FYN: variants seen among roughly 807,000 people sequenced by gnomAD.
The protein encoded by FYN is tyrosine-protein kinase Fyn.
FYN carries 10 observed loss-of-function variants against 70.2 expected under a neutral mutation model. The ratio of observed to expected loss-of-function variants is 0.14; its 90% CI spans 0.09 to 0.24. FYN has a LOEUF of 0.24. FYN is among the 10% of genes least tolerant of loss of function. The pLI is 1.00. For synonymous variants in FYN, 236 were observed against 248.6 expected, an observed-to-expected ratio of 0.95 and a Z score of 0.48; for missense variants, 319 against 673.1, an observed-to-expected ratio of 0.47 and a Z score of 5.82.
rs1403301913 is a variant in FYN, at chr6:111,706,102, T to C, written c.443+1820A>G. On this transcript the variant is annotated intron_variant, in intron 6 of 13. Transcript: ENST00000354650. The stretch of plus-strand genomic sequence containing the variant: ...AAACTAATGATACTCTGTGCCACTT[T>C]AGGAGGCATCACATTAAGTCACCTC... Among the ~76,000 whole-genome samples, 6 of 152,226 alleles carry C rather than the reference T, an allele frequency of 3.9e-5. No homozygotes were observed. The South Asian group carries it at 1.0e-3, about 26-fold the overall frequency.
At chr6:111,769,383 AG>A (rs1803351714) in intron 3 of FYN, among the ~76,000 whole-genome samples, 2 of 152,198 alleles carry the variant, frequency 1.3e-5, no homozygotes, top group Non-Finnish European at 2.9e-5. Flanking sequence ...AAACTCCAGG[AG>A]TCTGTCGCCA....
intron 3 of FYN, among the ~76,000 whole-genome samples, chr6:111,765,652 T>G (rs1168117428): frequency 6.6e-6 from 1 of 152,160 alleles, no homozygotes; most frequent in East Asian, 1.9e-4. Context: ...CAGTTATTTT[T>G]AAGCACCTAT....
intron 2 of FYN, among the ~76,000 whole-genome samples, chr6:111,841,107 A>C (rs1186654723): frequency 6.6e-6 from 1 of 152,212 alleles, no homozygotes; most frequent in African/African-American, 2.4e-5. Context: ...AATGATCCCC[A>C]AGTCTGGGAA....
intron 2 of FYN, among the ~76,000 whole-genome samples, chr6:111,790,689 C>A (rs1277861332): frequency 6.6e-6 from 1 of 152,186 alleles, no homozygotes; most frequent in Non-Finnish European, 1.5e-5. Context: ...TCAGGGAGAT[C>A]TTGATCTGAA....
intron 12 of FYN, among the ~76,000 whole-genome samples, chr6:111,688,614 C>T (rs1036246388): frequency 2.2e-4 from 34 of 152,004 alleles, no homozygotes; most frequent in African/African-American, 5.1e-4. Flanking sequence ...CTGCTCCAGC[C>T]GTGCCCACGC....
chr6:111,692,774 CA>C (rs1799393721), intron 12 of FYN, among the ~76,000 whole-genome samples: 1 of 152,248 alleles, frequency 6.6e-6, no homozygotes, highest in Non-Finnish European at 1.5e-5. Flanking sequence ...TGGGATCTGA[CA>C]GACTTGCCTC....
chr6:111,814,645 G>A (rs1036610613), intron 2 of FYN, among the ~76,000 whole-genome samples: 3 of 151,978 alleles, frequency 2.0e-5, no homozygotes, highest in African/African-American at 4.8e-5. Flanking sequence ...TTCACCCAGT[G>A]GCAAAGATAT....
At chr6:111,708,327 TG>T (rs1462706196) in intron 5 of FYN, 1 of 311,770 alleles carries the variant, frequency 3.2e-6, no homozygotes, top group African/African-American at 2.1e-5. Context: ...TTAACTTGGA[TG>T]GATGGAAAAG....
chr6:111,680,874 C>T (rs951175359), intron 12 of FYN, among the ~76,000 whole-genome samples: 1 of 152,248 alleles, frequency 6.6e-6, no homozygotes. Context: ...TGAGTTTATT[C>T]TTCCCCATGT....
chr6:111,827,096 A>C (rs1477485696), intron 2 of FYN, among the ~76,000 whole-genome samples: 1 of 152,140 alleles, frequency 6.6e-6, no homozygotes, highest in Non-Finnish European at 1.5e-5. Flanking sequence ...CCAACGAGAG[A>C]GGCTGAATCT....
intron 5 of FYN, among the ~76,000 whole-genome samples, chr6:111,709,983 T>C (rs903308032): frequency 8.1e-5 from 12 of 148,242 alleles, no homozygotes; most frequent in Admixed American, 1.3e-4. Flanking sequence ...CTTTAAACAC[T>C]GTATGTGTTT....
chr6:111,746,098 T>C (rs1802201260), intron 3 of FYN, among the ~76,000 whole-genome samples: 1 of 152,236 alleles, frequency 6.6e-6, no homozygotes, highest in African/African-American at 2.4e-5. Context: ...AGTTCATAAG[T>C]GAAAGAGAAT....
intron 2 of FYN, among the ~76,000 whole-genome samples, chr6:111,814,631 G>T (rs1043538402): frequency 5.3e-5 from 8 of 152,030 alleles, no homozygotes; most frequent in African/African-American, 1.9e-4. Flanking sequence ...CCTAAATTAT[G>T]AATTTCACCC....
At chr6:111,817,819 T>G (rs368648798) in intron 2 of FYN, among the ~76,000 whole-genome samples, 1 of 152,350 alleles carries the variant, frequency 6.6e-6, no homozygotes, top group South Asian at 2.1e-4. Context: ...GGATAAAATA[T>G]AAGTATCCCT....
chr6:111,802,225 TC>T (rs763426161), intron 2 of FYN, among the ~76,000 whole-genome samples: 2 of 151,228 alleles, frequency 1.3e-5, no homozygotes, highest in Non-Finnish European at 2.9e-5. Flanking sequence ...ATGTGGCACC[TC>T]CCCCTCTCCT....
chr6:111,730,532 T>C (rs536962116), intron 3 of FYN, among the ~76,000 whole-genome samples: 3 of 152,282 alleles, frequency 2.0e-5, no homozygotes, highest in Admixed American at 6.5e-5. Context: ...GTGGAGAGGA[T>C]GAAACAAAGC....
At chr6:111,753,942 C>T (rs779660910) in intron 3 of FYN, among the ~76,000 whole-genome samples, 7 of 152,148 alleles carry the variant, frequency 4.6e-5, no homozygotes, top group Non-Finnish European at 7.4e-5. Flanking sequence ...TGCTGGTCAT[C>T]ATGGAGGCCC....
chr6:111,714,927 A>G (rs981250720), intron 4 of FYN, among the ~76,000 whole-genome samples: 1 of 152,122 alleles, frequency 6.6e-6, no homozygotes, highest in Non-Finnish European at 1.5e-5. Flanking sequence ...CAGCTTGGGG[A>G]AATTTAGAGA....
intron 2 of FYN, among the ~76,000 whole-genome samples, chr6:111,825,699 G>C (rs1180938432): frequency 6.6e-6 from 1 of 152,138 alleles, no homozygotes; most frequent in Non-Finnish European, 1.5e-5. Flanking sequence ...GACCTGTTTG[G>C]GGGAGTTCTG....
Sources: gnomAD v4.1 joint callset for allele counts (sites outside exome capture counted in the v4.1 genomes callset) on GRCh38, gnomAD v4.1.1 for gene constraint, MANE v1.5 for transcripts, NCBI Gene and HGNC (gene_info 2026-07-23, HGNC 2026-07-21) for gene names.